Variants in CAMK2B observed in about 807,000 individuals in gnomAD.
CAMK2B encodes calcium/calmodulin-dependent protein kinase type II subunit beta.
In CAMK2B, 27 loss-of-function variants were observed where a neutral mutation model predicts 93.7. That is an observed-to-expected ratio of 0.29 (90% confidence interval 0.21 to 0.40). The LOEUF (loss-of-function observed/expected upper bound fraction) is 0.40. CAMK2B is among the 10% of genes least tolerant of loss of function. The pLI, the probability that CAMK2B is intolerant of heterozygous loss-of-function variation, is 1.00. For missense variants in CAMK2B, 568 were observed against 895.8 expected, an observed-to-expected ratio of 0.63 and a Z score of 4.67; for synonymous variants, 374 against 358.8, an observed-to-expected ratio of 1.04 and a Z score of -0.48.
At chr7:44,239,483 C>G in intron 13 of CAMK2B, 106 bp downstream of exon 13, 1 of 1,055,512 alleles carries the variant, frequency 9.5e-7, no homozygotes, top group Non-Finnish European at 1.4e-6. Context: ...CTGGCGGCCT[C>G]TGGGGCGGCT....
chr7:44,291,034 C>A (rs1338618120), intron 1 of CAMK2B, among the ~76,000 whole-genome samples: 1 of 152,194 alleles, frequency 6.6e-6, no homozygotes, highest in Non-Finnish European at 1.5e-5. Context: ...TCTTCTTACA[C>A]AATTAGGGGG....
chr7:44,228,296 G>A (rs568543420), intron 19 of CAMK2B, among the ~76,000 whole-genome samples: 15 of 152,050 alleles, frequency 9.9e-5, no homozygotes, highest in African/African-American at 1.2e-4. Flanking sequence ...GACCCTGGTC[G>A]GGGTTCCAGT....
chr7:44,251,860 G>A (rs1184309769), intron 5 of CAMK2B, among the ~76,000 whole-genome samples: 1 of 152,178 alleles, frequency 6.6e-6, no homozygotes, highest in Non-Finnish European at 1.5e-5. Context: ...TGAACAGCCC[G>A]AGCATTTCCT....
chr7:44,300,441 T>TG (rs1789662687), intron 1 of CAMK2B, among the ~76,000 whole-genome samples: 1 of 151,306 alleles, frequency 6.6e-6, no homozygotes, highest in Non-Finnish European at 1.5e-5. Context: ...TGATTACATG[T>TG]GGGAGCCACT....
In CAMK2B at chr7:44,280,317, C is replaced by A. The variant is rs74947297; in HGVS notation, c.160+3814G>T. On this transcript the variant is annotated intron_variant, in intron 2 of 23. Transcript: ENST00000395749. ...TATCCAGGAGGGAGGGAAGGCCCCA[C>A]GGGTCTCAATCTGTGGAGAGAGGGG... 2.0e-4 allele frequency among the ~76,000 whole-genome samples: 30 copies of A among 152,288 alleles called. 1 individual carries two copies. The East Asian group carries it at 5.6e-3, about 28-fold the overall frequency.
rs533844362 is a variant in CAMK2B at position 44,282,786 on chromosome 7, T to C, written c.160+1345A>G. Among the ~76,000 whole-genome samples the C allele has an allele frequency of 2.0e-5, 3 of 152,288 alleles. No homozygotes were observed. The East Asian group carries it at 5.8e-4, about 29-fold the overall frequency. ...ACTGTAAACTGCAGGCCACAGACAG[T>C]AGGCAGCTCTCCCACCAACCCAGAG... is the stretch of plus-strand genomic sequence containing the variant. On this transcript the variant is annotated intron_variant, in intron 2 of 23. Coordinates refer to ENST00000395749, the MANE Select transcript of CAMK2B (RefSeq NM_001220.5).
chr7:44,297,541 G>A (rs940577074), intron 1 of CAMK2B, among the ~76,000 whole-genome samples: 8 of 152,054 alleles, frequency 5.3e-5, no homozygotes, highest in African/African-American at 1.9e-4. Flanking sequence ...CAAATTAAAA[G>A]ACAGAGATTA....
chr7:44,279,022 T>C (rs565337653), intron 2 of CAMK2B, among the ~76,000 whole-genome samples: 1 of 152,354 alleles, frequency 6.6e-6, no homozygotes, highest in East Asian at 1.9e-4. Flanking sequence ...TGCAGGGCCG[T>C]GTGACCCAAA....
Position 44,242,236 on chromosome 7 carries a change from C to T in CAMK2B, c.801G>A (p.Leu267=). The T allele has an allele frequency of 1.2e-6, 2 of 1,613,928 alleles. No individual in the cohort carries two copies. Among genetic ancestry groups the T allele is most frequent in the South Asian group, 2.2e-5 (2 of 91,064 alleles). ...PAKRITAHEA[L]KHPWVCQRST... ...GACTCACGCAGACCCACGGGTGCTT[C>T]AGGGCCTCATGGGCTGTGATGCGCT... Residue 267 remains leucine (L), a synonymous_variant, in exon 10 of 24, where the codon CTG becomes CTA. Transcript: ENST00000395749.
At position 44,228,849 on chromosome 7, in the gene CAMK2B, G is replaced by A. The variant is rs202187533; in HGVS notation, c.1415C>T (p.Ala472Val). The part of the protein sequence containing the change: ...GTPEAEGPLS[A>V]GPPPCLSPAL... Reference sequence around the variant, plus strand: ...CGGAGACAGGCAGGGCGGGGGCCCCGCTGAGAGGGGGCCCTCGGCTTCTGG... The same window carrying A: ...CGGAGACAGGCAGGGCGGGGGCCCCACTGAGAGGGGGCCCTCGGCTTCTGG... Residue 472 changes from alanine to valine, a missense_variant, in exon 19 of 24, where the codon GCG becomes GTG. Physicochemically the swap from Ala to Val is moderately conservative, Grantham distance 64. Around this residue, in one of 4 missense-constraint regions of CAMK2B, gnomAD observed 308 missense variants for 292.1 expected, o/e 1.05. Transcript: ENST00000395749. 2.1e-4 allele frequency: 310 copies of A among 1,477,576 alleles called. No individual in the cohort carries two copies. The East Asian group carries it at 4.5e-3, about 21-fold the overall frequency. The allele number at this position is 1,477,576 out of a possible 1,614,324, so 91.5% of individuals were successfully genotyped here. A position where few individuals can be genotyped will look rare whatever the true frequency, so the allele number is the denominator to read the frequency against.
At chr7:44,293,777 C>T (rs546229576) in intron 1 of CAMK2B, among the ~76,000 whole-genome samples, 5 of 152,184 alleles carry the variant, frequency 3.3e-5, no homozygotes, top group Non-Finnish European at 7.3e-5. Flanking sequence ...GCCCATGGCT[C>T]GTCTCCTGCT....
At chr7:44,239,276 T>TG (rs59240045) in intron 13 of CAMK2B, among the ~76,000 whole-genome samples, 152,317 of 152,320 alleles carry the variant, frequency 1, 76,157 homozygotes, top group Non-Finnish European at 1. Context: ...TGGCTCCCTG[T>TG]GGGCCCAGGC....
rs2128858549 is a variant in CAMK2B at position 44,220,246 on chromosome 7, T to C, written c.1817A>G (p.His606Arg). ...GGCATCCTCTCCAATGACGTGCACGTGTGGGTTCAGGATGGTCGTGTGGAT... is the reference window on the plus strand; with the variant it reads ...GGCATCCTCTCCAATGACGTGCACGCGTGGGTTCAGGATGGTCGTGTGGAT... ...KPIHTTILNPHVHVIGEDAAC... is the reference protein window; with the variant it reads ...KPIHTTILNPRVHVIGEDAAC... Residue 606 changes from histidine to arginine, a missense_variant, in exon 23 of 24, where the codon CAC (histidine) becomes CGC (arginine). This residue lies in a region of CAMK2B where 116 missense variants were observed against 188.0 expected (regional missense o/e 0.62). Coordinates refer to ENST00000395749, the MANE Select transcript of CAMK2B (RefSeq NM_001220.5). 6.2e-7 allele frequency: 1 copy of C among 1,613,256 alleles called. No homozygotes were observed. The highest frequency in any genetic ancestry group is 1.6e-4 in the Middle Eastern group (1 of 6,062).
intron 2 of CAMK2B, among the ~76,000 whole-genome samples, chr7:44,268,313 G>A (rs2096938675): frequency 6.6e-6 from 1 of 152,230 alleles, no homozygotes; most frequent in Non-Finnish European, 1.5e-5. Flanking sequence ...TGCCTGCCTG[G>A]TGGCTGCAGC....
At chr7:44,244,825 A>G (rs2096714860) in intron 6 of CAMK2B, 1 of 413,580 alleles carries the variant, frequency 2.4e-6, no homozygotes, top group Non-Finnish European at 4.9e-6. Flanking sequence ...AGCAGGCGGG[A>G]TGAGGCCGTG....
chr7:44,252,074 C>T (rs1001555670), intron 5 of CAMK2B, among the ~76,000 whole-genome samples: 1 of 152,088 alleles, frequency 6.6e-6, no homozygotes, highest in African/African-American at 2.4e-5. Context: ...GTGTGTCCAT[C>T]CGAGACTCAG....
intron 1 of CAMK2B, among the ~76,000 whole-genome samples, chr7:44,293,515 C>A (rs1239714001): frequency 6.6e-6 from 1 of 152,160 alleles, no homozygotes; most frequent in Non-Finnish European, 1.5e-5. Flanking sequence ...TGGTCCCCAG[C>A]CTTTTTGGCA....
In CAMK2B at chr7:44,245,280, C is replaced by G. The variant is rs532965956; in HGVS notation, c.415-1753G>C. On this transcript the variant is annotated intron_variant, in intron 6 of 23. Transcript: ENST00000395749. ...GCTCTTTTGCAGTTCCCTGGGATGACATCAACTGCCCTCTGCTCTCTACCA... is the reference window on the plus strand; with the variant it reads ...GCTCTTTTGCAGTTCCCTGGGATGAGATCAACTGCCCTCTGCTCTCTACCA... Among the ~76,000 whole-genome samples the G allele has an allele frequency of 3.3e-5, 5 of 152,292 alleles. No individual in the cohort carries two copies. In the East Asian group the frequency reaches 7.7e-4, roughly 24 times the overall value.
intron 2 of CAMK2B, among the ~76,000 whole-genome samples, chr7:44,275,047 C>G (rs907990990): frequency 1.3e-5 from 2 of 152,210 alleles, no homozygotes; most frequent in African/African-American, 4.8e-5. Context: ...GCCTTTTCTG[C>G]CACTGACAAG....
Sources: allele counts gnomAD v4.1 joint callset (sites outside exome capture counted in the v4.1 genomes callset), GRCh38; gene constraint gnomAD v4.1.1; regional missense constraint gnomAD v4.1.1; transcripts MANE v1.5; gene names NCBI Gene and HGNC (gene_info 2026-07-23, HGNC 2026-07-21).